Variants in RIMBP2 observed in about 807,000 individuals in gnomAD.
The protein encoded by RIMBP2 is RIMS-binding protein 2.
In RIMBP2, 48 loss-of-function variants were observed where a neutral mutation model predicts 118.6. The ratio of observed to expected loss-of-function variants is 0.40; its 90% confidence interval spans 0.32 to 0.51. RIMBP2 has a LOEUF of 0.51. RIMBP2 is among the 20% of genes least tolerant of loss of function. The pLI, the probability that RIMBP2 is intolerant of heterozygous loss-of-function variation, is 0.41. For missense variants in RIMBP2, 1,551 were observed against 1,768.3 expected (o/e 0.88, Z 2.20); for synonymous variants, 762 against 742.9 (o/e 1.03, Z -0.42).
At chr12:130,410,038 T>C (rs984001066) in intron 19 of RIMBP2, among the ~76,000 whole-genome samples, 2 of 152,246 alleles carry the variant, frequency 1.3e-5, no homozygotes, top group African/African-American at 4.8e-5. Context: ...CCTGGCACAC[T>C]TTGTGCCCAC....
At position 130,442,213 on chromosome 12, in the gene RIMBP2, G is replaced by A. The variant is rs1460882356; in HGVS notation, c.1139C>T (p.Thr380Ile). ...LIEKLNMAAC[T>I]YRISVQCVTS... ...GACGCACTGCACGGAGATGCGGTAGGTGCAGGCTGCCATGTTGAGCTTCTC... is the reference window on the plus strand; with the variant it reads ...GACGCACTGCACGGAGATGCGGTAGATGCAGGCTGCCATGTTGAGCTTCTC... The change falls in exon 11 of 23, where the codon ACC (threonine) becomes ATC (isoleucine). Residue 380 changes from threonine to isoleucine, a missense_variant. By Grantham distance (89) the Thr-to-Ile change is moderately conservative (BLOSUM62 -1). Transcript: ENST00000690449. The surrounding 1 kb of genome is among the most constrained non-coding windows in gnomAD (Gnocchi z 6.9). The A allele has an allele frequency of 6.2e-7, 1 of 1,614,194 alleles. No individual in the cohort carries two copies. The highest frequency in any genetic ancestry group is 1.1e-5 in the South Asian group (1 of 91,078).
At chr12:130,664,997 C>T (rs73159178) in intron 1 of RIMBP2, among the ~76,000 whole-genome samples, 3,338 of 151,718 alleles carry the variant, frequency 0.022, 73 homozygotes, top group South Asian at 0.041. Context: ...CCGCCCTCAG[C>T]AGGTGTGAGC....
At chr12:130,491,497 T>C (rs2048639408) in intron 4 of RIMBP2, among the ~76,000 whole-genome samples, 1 of 152,226 alleles carries the variant, frequency 6.6e-6, no homozygotes, top group Non-Finnish European at 1.5e-5. Context: ...CTCCGCCTCC[T>C]TCCTTCCAGA....
chr12:130,511,850 G>A lies in RIMBP2; in HGVS notation c.-126-5080C>T, dbSNP rs1490329026. On this transcript the variant is annotated intron_variant, in intron 3 of 22. Coordinates refer to ENST00000690449, the MANE Select transcript of RIMBP2 (RefSeq NM_001393629.1). This position sits in a 1 kb window ranked among gnomAD's most constrained non-coding sequence, Gnocchi z 4.3. ...GTCAAGGAAGCCACCCTCCACACAC[G>A]TCTCTGCTGGACAGGAGCCCCTGGG... 4.6e-5 allele frequency among the ~76,000 whole-genome samples: 7 copies of A among 152,182 alleles called. No individual in the cohort carries two copies. Among genetic ancestry groups the A allele is most frequent in the East Asian group, 1.9e-4 (1 of 5,130 alleles).
At chr12:130,562,585 C>T (rs1280666084) in intron 2 of RIMBP2, among the ~76,000 whole-genome samples, 13 of 152,198 alleles carry the variant, frequency 8.5e-5, no homozygotes, top group Admixed American at 7.2e-4. Flanking sequence ...TTCTAGTAGC[C>T]ATCTATGAGC....
chr12:130,439,622 T>C (rs552356363), intron 11 of RIMBP2, among the ~76,000 whole-genome samples: 30 of 101,354 alleles, frequency 3.0e-4, no homozygotes, highest in Admixed American at 4.0e-4. Flanking sequence ...TATGTGGGTG[T>C]GTGGGGGTGT....
intron 12 of RIMBP2, 31 bp downstream of exon 12, chr12:130,438,334 A>G: frequency 7.4e-7 from 1 of 1,344,516 alleles, no homozygotes; most frequent in Non-Finnish European, 1.1e-6. Flanking sequence ...GGGCCTAACA[A>G]ACCCTCCCCA....
At chr12:130,598,684 T>C (rs901971177) in intron 2 of RIMBP2, among the ~76,000 whole-genome samples, 7 of 150,592 alleles carry the variant, frequency 4.6e-5, no homozygotes, top group Admixed American at 1.3e-4. Context: ...GCCAAGATCA[T>C]GCCACTGCAC....
At chr12:130,650,545 C>G (rs1156452650) in intron 1 of RIMBP2, among the ~76,000 whole-genome samples, 2 of 152,244 alleles carry the variant, frequency 1.3e-5, no homozygotes, top group African/African-American at 4.8e-5. Context: ...GCTCCGTGTC[C>G]CCTCCAGCAG....
chr12:130,588,868 T>G (rs2059081909), intron 2 of RIMBP2, among the ~76,000 whole-genome samples: 1 of 152,270 alleles, frequency 6.6e-6, no homozygotes, highest in South Asian at 2.1e-4. Flanking sequence ...TGATGTAGAC[T>G]GTGCTTAAAC....
chr12:130,558,038 A>C (rs2056514505), intron 2 of RIMBP2, among the ~76,000 whole-genome samples: 1 of 152,214 alleles, frequency 6.6e-6, no homozygotes, highest in African/African-American at 2.4e-5. Flanking sequence ...TGTGCTTAAG[A>C]CAGTGTTCAG....
intron 10 of RIMBP2, among the ~76,000 whole-genome samples, chr12:130,443,459 C>T (rs960295138): frequency 6.6e-6 from 1 of 152,092 alleles, no homozygotes; most frequent in Non-Finnish European, 1.5e-5. Context: ...CAGAATGGAC[C>T]GTTTCCACCA....
chr12:130,526,105 G>A (rs1028213396), intron 2 of RIMBP2, among the ~76,000 whole-genome samples: 7 of 152,068 alleles, frequency 4.6e-5, no homozygotes, highest in African/African-American at 9.7e-5. Flanking sequence ...GGGGTGGGGG[G>A]TTCTGGAAAG....
chr12:130,704,500 G>A lies in RIMBP2; in HGVS notation c.-352+11722C>T, dbSNP rs1317815401. Among the ~76,000 whole-genome samples, 7 of 151,992 alleles carry A rather than the reference G, an allele frequency of 4.6e-5. No individual in the cohort carries two copies. In the South Asian group the frequency reaches 6.3e-4, roughly 14 times the overall value. ...TGAGGCAGGAGAATCACTTGAACCC[G>A]GGAGGCAGAGGTTGCAGTGAGCCAA... On this transcript the variant is annotated intron_variant, in intron 1 of 22. Coordinates refer to ENST00000690449, the MANE Select transcript of RIMBP2 (RefSeq NM_001393629.1).
chr12:130,666,535 A>G (rs920107468), intron 1 of RIMBP2, among the ~76,000 whole-genome samples: 17 of 152,200 alleles, frequency 1.1e-4, no homozygotes, highest in African/African-American at 4.1e-4. Flanking sequence ...CAGTTTCACT[A>G]TCGCCTGCTG....
At chr12:130,520,981 G>T (rs2052044117) in intron 2 of RIMBP2, among the ~76,000 whole-genome samples, 1 of 152,248 alleles carries the variant, frequency 6.6e-6, no homozygotes, top group Non-Finnish European at 1.5e-5. Context: ...TCCACAAGCA[G>T]CTCAGCAGGG....
At chr12:130,491,494 TC>T (rs2048639119) in intron 4 of RIMBP2, among the ~76,000 whole-genome samples, 1 of 152,190 alleles carries the variant, frequency 6.6e-6, no homozygotes, top group South Asian at 2.1e-4. Flanking sequence ...TCACTCCGCC[TC>T]CTTCCTTCCA....
In RIMBP2 at chr12:130,420,278, TAG is replaced by T. The variant is rs1264517635; in HGVS notation, c.3238+2173_3238+2174del. Among the ~76,000 whole-genome samples, 4 of 152,198 alleles carry T rather than the reference TAG, an allele frequency of 2.6e-5. No homozygotes were observed. The highest frequency in any genetic ancestry group is 5.9e-5 in the Non-Finnish European group (4 of 68,044). Reference sequence around the variant, plus strand: ...TGTATTTGTGTGTAAAGTATCTGGTTAGAGTTATTTTATGTGGTGTCCCGGCT... The same window carrying T: ...TGTATTTGTGTGTAAAGTATCTGGTTAGTTATTTTATGTGGTGTCCCGGCT... On this transcript the variant is annotated intron_variant, in intron 17 of 22. Transcript: ENST00000690449. This position sits in a 1 kb window ranked among gnomAD's most constrained non-coding sequence, Gnocchi z 4.3.
At chr12:130,441,401 AAAT>A (rs58605863) in intron 11 of RIMBP2, among the ~76,000 whole-genome samples, 14,071 of 122,590 alleles carry the variant, frequency 0.11, 1,027 homozygotes, top group East Asian at 0.21. Context: ...ACTCCATCTC[AAAT>A]AATAATAATA....
Sources: allele counts gnomAD v4.1 joint callset (sites outside exome capture counted in the v4.1 genomes callset), GRCh38; gene constraint gnomAD v4.1.1; non-coding constraint Gnocchi (gnomAD v3.1); transcripts MANE v1.5; gene names NCBI Gene and HGNC (gene_info 2026-07-23, HGNC 2026-07-21).